The following FGD5 variants were observed in gnomAD, a reference collection of about 807,000 sequenced individuals.
FGD5 encodes FYVE, RhoGEF and PH domain containing 5.
In FGD5, 28 loss-of-function variants were observed where a neutral mutation model predicts 133.4. That is an observed-to-expected ratio of 0.21 (90% CI 0.16 to 0.29). The LOEUF (loss-of-function observed/expected upper bound fraction) is 0.29, where lower values mean the gene tolerates loss of function less well. FGD5 is among the 10% of genes least tolerant of loss of function. The pLI is 1.00. For missense variants in FGD5, 1,858 were observed against 1,895.2 expected (o/e 0.98, Z 0.36); for synonymous variants, 810 against 776.5 (o/e 1.04, Z -0.72).
At chr3:14,844,088 T>G (rs1386255470) in intron 1 of FGD5, among the ~76,000 whole-genome samples, 1 of 149,610 alleles carries the variant, frequency 6.7e-6, no homozygotes. Context: ...GTGAAGAAAC[T>G]GAGGCTGACA....
intron 1 of FGD5, among the ~76,000 whole-genome samples, chr3:14,849,609 G>A (rs1197711792): frequency 2.0e-5 from 3 of 152,146 alleles, no homozygotes; most frequent in Admixed American, 2.0e-4. Flanking sequence ...TGGTTGAAAG[G>A]ATCAAACGAG....
chr3:14,893,038 TG>T (rs1185092737), intron 4 of FGD5, among the ~76,000 whole-genome samples: 4 of 152,162 alleles, frequency 2.6e-5, no homozygotes, highest in Non-Finnish European at 4.4e-5. Flanking sequence ...CAGCTCAAGG[TG>T]GTTTCAGGAT....
At chr3:14,826,258 T>A (rs932768797) in intron 1 of FGD5, among the ~76,000 whole-genome samples, 1 of 152,160 alleles carries the variant, frequency 6.6e-6, no homozygotes, top group Non-Finnish European at 1.5e-5. Context: ...TCGCTCTCTC[T>A]TTCTTCCTCT....
intron 7 of FGD5, 65 bp downstream of exon 7, chr3:14,898,891 T>C: frequency 1.4e-6 from 2 of 1,416,386 alleles, no homozygotes; most frequent in Non-Finnish European, 1.9e-6. Flanking sequence ...TGAGGAGGGG[T>C]GGAGGGGACT....
At chr3:14,828,320 A>C (rs887733635) in intron 1 of FGD5, among the ~76,000 whole-genome samples, 7 of 152,198 alleles carry the variant, frequency 4.6e-5, no homozygotes, top group Non-Finnish European at 8.8e-5. Context: ...ACATTGCAGG[A>C]AAAGTAGGCT....
At chr3:14,912,903 G>A (rs1438929829) in intron 11 of FGD5, among the ~76,000 whole-genome samples, 2 of 152,290 alleles carry the variant, frequency 1.3e-5, no homozygotes, top group East Asian at 3.9e-4. Flanking sequence ...AGGCATGGTG[G>A]CGTGTCCCTG....
chr3:14,933,281 C>A lies in FGD5; in HGVS notation c.*114C>A. On this transcript the variant is annotated 3_prime_UTR_variant, in exon 20 of 20. Coordinates refer to ENST00000285046, the MANE Select transcript of FGD5 (RefSeq NM_152536.4). Reference sequence around the variant, plus strand: ...CACACACCTGGATTCAGCAATGAGGCCTGACCTTTTTTGCTATAACCGCCC... The same window carrying A: ...CACACACCTGGATTCAGCAATGAGGACTGACCTTTTTTGCTATAACCGCCC... The A allele has an allele frequency of 7.9e-7, 1 of 1,265,308 alleles. No homozygotes were observed. Among genetic ancestry groups the A allele is most frequent in the Non-Finnish European group, 1.1e-6 (1 of 886,530 alleles). The allele number at this position is 1,265,308 out of a possible 1,614,324, so 78.4% of individuals were successfully genotyped here.
At chr3:14,823,072 G>A (rs2036533804) in intron 1 of FGD5, among the ~76,000 whole-genome samples, 1 of 152,152 alleles carries the variant, frequency 6.6e-6, no homozygotes, top group South Asian at 2.1e-4. Flanking sequence ...ACAGCCCGAG[G>A]GACTGAGTTT....
chr3:14,812,921 T>C (rs1034482624), intron 1 of FGD5, among the ~76,000 whole-genome samples: 1 of 152,212 alleles, frequency 6.6e-6, no homozygotes, highest in Non-Finnish European at 1.5e-5. Context: ...TTTACTTCTA[T>C]CAGTTTATTT....
intron 1 of FGD5, among the ~76,000 whole-genome samples, chr3:14,837,146 G>A (rs567177338): frequency 6.6e-4 from 100 of 152,290 alleles, no homozygotes; most frequent in African/African-American, 2.3e-3. Context: ...GTTGGTCAGC[G>A]GTGGTGCCAA....
rs1208358986 is a variant in FGD5, at chr3:14,819,257, C to T, written c.186C>T (p.Asp62=). The T allele has an allele frequency of 6.5e-6, 10 of 1,537,838 alleles. No homozygotes were observed. Among genetic ancestry groups the T allele is most frequent in the South Asian group, 3.7e-5 (3 of 80,992 alleles). ...CAAAGTGCTCTGAGTCGGAGACCGA[C>T]GAGGATTACATCGTGGTCCCCAGGG... ...SIPKCSESET[D]EDYIVVPRVP... is the part of the protein sequence containing the mutation. Residue 62 remains aspartate (D), a synonymous_variant, in exon 1 of 20, where the codon GAC becomes GAT. Transcript: ENST00000285046. The surrounding 1 kb of genome is among the most constrained non-coding windows in gnomAD (Gnocchi z 4.1).
chr3:14,833,369 G>C (rs1463873756), intron 1 of FGD5, among the ~76,000 whole-genome samples: 3 of 152,206 alleles, frequency 2.0e-5, no homozygotes, highest in Non-Finnish European at 4.4e-5. Context: ...CTTGAAGTTT[G>C]AGGCTTTCTT....
intron 4 of FGD5, among the ~76,000 whole-genome samples, chr3:14,888,091 G>A (rs1304660065): frequency 1.3e-5 from 2 of 150,956 alleles, no homozygotes; most frequent in African/African-American, 4.9e-5. Context: ...GATCACTTGA[G>A]CTTAGGAGTT....
At chr3:14,861,752 G>T (rs2037402185) in intron 1 of FGD5, among the ~76,000 whole-genome samples, 1 of 152,168 alleles carries the variant, frequency 6.6e-6, no homozygotes. Flanking sequence ...GACCACAGCA[G>T]CAGCAGCAGG....
intron 9 of FGD5, among the ~76,000 whole-genome samples, chr3:14,901,610 A>G (rs1167047243): frequency 6.6e-6 from 1 of 152,210 alleles, no homozygotes; most frequent in African/African-American, 2.4e-5. Flanking sequence ...TAGGCATGCC[A>G]GCGCTCTGTG....
chr3:14,821,226 C>A lies in FGD5; in HGVS notation c.2155C>A (p.Pro719Thr), dbSNP rs1357621004. Residue 719 changes from proline (P) to threonine (T), a missense_variant, in exon 1 of 20, where the codon CCC (proline) becomes ACC (threonine). Physicochemically the swap from Pro to Thr is conservative, Grantham distance 38 (BLOSUM62 -1). Around this residue, in one of 3 missense-constraint regions of FGD5, gnomAD observed 1,824 missense variants for 1,848.9 expected, o/e 0.99. Coordinates refer to ENST00000285046, the MANE Select transcript of FGD5 (RefSeq NM_152536.4). ...RTGKLRASES[P>T]SSLIFYRDGK... ...TGGGAAGCTCCGGGCTTCTGAATCC[C>A]CCTCCTCCCTCATCTTTTATAGAGA... is the stretch of plus-strand genomic sequence containing the variant. 4 of 1,613,798 alleles carry A rather than the reference C, an allele frequency of 2.5e-6. No individual in the cohort carries two copies. In the Admixed American group the frequency reaches 6.7e-5, roughly 27 times the overall value.
At chr3:14,840,731 AAAAC>A (rs765629447) in intron 1 of FGD5, among the ~76,000 whole-genome samples, 11 of 152,180 alleles carry the variant, frequency 7.2e-5, no homozygotes, top group Non-Finnish European at 1.6e-4. Flanking sequence ...TCTGGAGGTA[AAAAC>A]AAAAACCAAC....
At chr3:14,900,065 C>G (rs1486737132) in intron 7 of FGD5, among the ~76,000 whole-genome samples, 1 of 152,202 alleles carries the variant, frequency 6.6e-6, no homozygotes, top group Non-Finnish European at 1.5e-5. Flanking sequence ...AGGTTCCACA[C>G]AACACACTCG....
In FGD5 at chr3:14,819,011, A is replaced by G. The variant is rs1478632917; in HGVS notation, c.-61A>G. The G allele has an allele frequency of 6.7e-7, 1 of 1,482,524 alleles. No individual in the cohort carries two copies. The highest frequency in any genetic ancestry group is 1.4e-5 in the African/African-American group (1 of 70,524). The allele number at this position is 1,482,524 out of a possible 1,614,324, so 91.8% of individuals were successfully genotyped here. A position where few individuals can be genotyped will look rare whatever the true frequency, so the allele number is the denominator to read the frequency against. ...CAAAGACTACCAGTCCACTGACGCC[A>G]GTGACCGCGCCCAAATTCCCTTCCT... On this transcript the variant is annotated 5_prime_UTR_variant, in exon 1 of 20. Coordinates refer to ENST00000285046, the MANE Select transcript of FGD5 (RefSeq NM_152536.4). The surrounding 1 kb of genome is among the most constrained non-coding windows in gnomAD (Gnocchi z 4.1).
Sources: gnomAD v4.1 joint callset for allele counts (sites outside exome capture counted in the v4.1 genomes callset) on GRCh38, gnomAD v4.1.1 for gene constraint, gnomAD v4.1.1 regional missense constraint, Gnocchi (gnomAD v3.1) non-coding constraint, MANE v1.5 for transcripts, NCBI Gene and HGNC (gene_info 2026-07-23, HGNC 2026-07-21) for gene names.